CCDC192: variants seen among roughly 807,000 people sequenced by gnomAD.
CCDC192 encodes coiled-coil domain-containing protein 192.
chr5:127,719,568 C>CATATATATATATATAT (rs142203401), intron 2 of CCDC192, among the ~76,000 whole-genome samples: 2 of 19,058 alleles, frequency 1.0e-4, no homozygotes, highest in East Asian at 1.7e-3. Flanking sequence ...TACACACATA[C>CATATATATATATATAT]ATATATATAT....
chr5:127,736,489 G>A (rs1753001597), intron 2 of CCDC192, among the ~76,000 whole-genome samples: 6 of 151,970 alleles, frequency 3.9e-5, no homozygotes, highest in Admixed American at 3.9e-4. Flanking sequence ...GATTGGAATA[G>A]TTTCAGAAGG....
At chr5:127,709,248 A>AGAGAGAGAG in intron 2 of CCDC192, among the ~76,000 whole-genome samples, 17 of 135,428 alleles carry the variant, frequency 1.3e-4, no homozygotes, top group South Asian at 2.4e-4. Flanking sequence ...AGAGAGAGAG[A>AGAGAGAGAG]AATGCTACAC....
intron 3 of CCDC192, among the ~76,000 whole-genome samples, chr5:127,787,206 A>G (rs1237475610): frequency 6.6e-6 from 1 of 152,198 alleles, no homozygotes; most frequent in Non-Finnish European, 1.5e-5. Context: ...GCAAACTCAC[A>G]TCTCCATGGT....
chr5:127,748,285 T>C (rs2126857450), intron 2 of CCDC192, among the ~76,000 whole-genome samples: 1 of 52,790 alleles, frequency 1.9e-5, no homozygotes, highest in East Asian at 5.2e-4. Context: ...GATTTTTGTA[T>C]AAGGTGTAAG....
intron 3 of CCDC192, among the ~76,000 whole-genome samples, chr5:127,791,510 T>G (rs1756865566): frequency 6.6e-6 from 1 of 152,182 alleles, no homozygotes; most frequent in South Asian, 2.1e-4. Context: ...TTCAGAACTC[T>G]GGAGTGTAGC....
intron 5 of CCDC192, among the ~76,000 whole-genome samples, chr5:127,835,951 T>A (rs1355488137): frequency 5.3e-5 from 8 of 152,136 alleles, no homozygotes; most frequent in Admixed American, 3.9e-4. Flanking sequence ...CAATCATGCC[T>A]TCCCAACAGT....
intron 3 of CCDC192, among the ~76,000 whole-genome samples, chr5:127,770,848 G>A (rs772508257): frequency 2.6e-5 from 4 of 152,146 alleles, no homozygotes; most frequent in Admixed American, 6.5e-5. Flanking sequence ...ATAGGTATAA[G>A]GGTTTAATTG....
At chr5:127,769,413 A>ATG (rs140726654) in intron 3 of CCDC192, among the ~76,000 whole-genome samples, 5,877 of 146,220 alleles carry the variant, frequency 0.04, 234 homozygotes, top group African/African-American at 0.1. Flanking sequence ...TTTTGTGTGT[A>ATG]TGTGTGTGTG....
chr5:127,815,463 T>C (rs1748964592), intron 5 of CCDC192, among the ~76,000 whole-genome samples: 1 of 152,148 alleles, frequency 6.6e-6, no homozygotes, highest in Non-Finnish European at 1.5e-5. Context: ...AGGTTTTACA[T>C]GATTTCTATA....
intron 1 of CCDC192, among the ~76,000 whole-genome samples, chr5:127,706,213 A>G (rs1750949234): frequency 6.6e-6 from 1 of 152,186 alleles, no homozygotes; most frequent in East Asian, 1.9e-4. Context: ...GAAAATAATA[A>G]AAGTACCTTG....
chr5:127,719,835 G>T (rs1249064751), intron 2 of CCDC192, among the ~76,000 whole-genome samples: 1 of 134,668 alleles, frequency 7.4e-6, no homozygotes, highest in Admixed American at 7.5e-5. Context: ...AGGAAGGGGC[G>T]GGGGAGGTGA....
intron 3 of CCDC192, chr5:127,785,346 TC>T (rs1175430600): frequency 1.8e-5 from 8 of 441,226 alleles, no homozygotes; most frequent in Admixed American, 2.7e-5. Flanking sequence ...GAAATCCCAG[TC>T]TAGGGGTTCT....
At chr5:127,768,273 A>G (rs1755347345) in intron 3 of CCDC192, among the ~76,000 whole-genome samples, 2 of 152,102 alleles carry the variant, frequency 1.3e-5, no homozygotes, top group African/African-American at 4.8e-5. Context: ...AAGTAAAAAA[A>G]AAATAAGGTC....
intron 5 of CCDC192, among the ~76,000 whole-genome samples, chr5:127,851,833 T>G (rs1027292136): frequency 6.6e-6 from 1 of 152,216 alleles, no homozygotes; most frequent in Non-Finnish European, 1.5e-5. Flanking sequence ...TCCCTCCCAG[T>G]TAAGAAAAAT....
At chr5:127,916,992 T>C (rs1458328231) in intron 6 of CCDC192, among the ~76,000 whole-genome samples, 3 of 152,272 alleles carry the variant, frequency 2.0e-5, no homozygotes, top group African/African-American at 4.8e-5. Context: ...TTTGTTGCCA[T>C]TGAAAACCTG....
chr5:127,781,151 T>C (rs995601081), intron 3 of CCDC192, among the ~76,000 whole-genome samples: 2 of 152,148 alleles, frequency 1.3e-5, no homozygotes, highest in African/African-American at 4.8e-5. Flanking sequence ...AGCATTTGGG[T>C]TTTTTTCTGG....
At chr5:127,765,299 C>T (rs1262687020) in intron 3 of CCDC192, among the ~76,000 whole-genome samples, 1 of 152,080 alleles carries the variant, frequency 6.6e-6, no homozygotes, top group African/African-American at 2.4e-5. Flanking sequence ...CTTTATTAAA[C>T]CAGACATTAA....
At position 127,798,110 on chromosome 5, in the gene CCDC192, T is replaced by C. The variant is rs1757279407; in HGVS notation, c.359T>C (p.Ile120Thr). 1 of 398,188 alleles carries C rather than the reference T, an allele frequency of 2.5e-6. No homozygotes were observed. Among genetic ancestry groups the C allele is most frequent in the African/African-American group, 2.1e-5 (1 of 48,572 alleles). The allele number at this position is 398,188 out of a possible 1,614,324, so 24.7% of individuals were successfully genotyped here. A position where few individuals can be genotyped will look rare whatever the true frequency, so the allele number is the denominator to read the frequency against. The change falls in exon 5 of 7, where the codon ATC (isoleucine) becomes ACC (threonine). Residue 120 changes from isoleucine to threonine, a missense_variant. Transcript: ENST00000514853. ...EKMVLVKDQC[I>T]QKLQAEVKAS... ...CTAAACTTTTCTCCTTTTCAGTGCA[T>C]CCAGAAATTGCAAGCTGAAGTAAAA...
chr5:127,715,107 A>T (rs1751556502), intron 2 of CCDC192, among the ~76,000 whole-genome samples: 1 of 152,250 alleles, frequency 6.6e-6, no homozygotes, highest in East Asian at 1.9e-4. Flanking sequence ...TTCCTTTGCA[A>T]TACAGAAGCT....
Sources: gnomAD v4.1 joint callset for allele counts (sites outside exome capture counted in the v4.1 genomes callset) on GRCh38, gnomAD v4.1.1 for gene constraint, MANE v1.5 for transcripts, NCBI Gene and HGNC (gene_info 2026-07-23, HGNC 2026-07-21) for gene names.